SAE1: variants seen among roughly 807,000 people sequenced by gnomAD.
The protein encoded by SAE1 is SUMO1 activating enzyme subunit 1.
Under a neutral mutation model 40.6 loss-of-function variants are expected in SAE1, and 11 were observed. That is an observed-to-expected ratio of 0.27 (90% CI 0.17 to 0.45). SAE1 has a LOEUF of 0.45. Among genes scored for constraint, SAE1 ranks in the 20% least tolerant of loss-of-function variants. The pLI, the probability that SAE1 is intolerant of heterozygous loss-of-function variation, is 1.00. For missense variants in SAE1, 373 were observed against 427.3 expected (o/e 0.87, Z 1.12); for synonymous variants, 155 against 154.3 (o/e 1.00, Z -0.03).
At chr19:47,161,321 T>A (rs2058358834) in intron 5 of SAE1, among the ~76,000 whole-genome samples, 1 of 152,152 alleles carries the variant, frequency 6.6e-6, no homozygotes, top group Admixed American at 6.6e-5. Context: ...TATATTTTTT[T>A]TATTGTGACA....
chr19:47,181,016 G>C (rs1234517979), intron 6 of SAE1, among the ~76,000 whole-genome samples: 1 of 151,982 alleles, frequency 6.6e-6, no homozygotes, highest in Non-Finnish European at 1.5e-5. Context: ...GATGTTAGTG[G>C]AACAATTGGT....
At chr19:47,199,600 C>G (rs1408580976) in intron 7 of SAE1, among the ~76,000 whole-genome samples, 1 of 152,084 alleles carries the variant, frequency 6.6e-6, no homozygotes. Context: ...CAGAGCCAGA[C>G]CGTTCATCAC....
At chr19:47,169,980 A>G (rs2058420821) in intron 6 of SAE1, 57 bp downstream of exon 6, 1 of 1,297,546 alleles carries the variant, frequency 7.7e-7, no homozygotes, top group South Asian at 1.2e-5. Flanking sequence ...ATTTCTGCAA[A>G]TGTGGTTGCA....
At chr19:47,196,332 G>GGTTTTT (rs1568608690) in intron 6 of SAE1, among the ~76,000 whole-genome samples, 2 of 76,328 alleles carry the variant, frequency 2.6e-5, no homozygotes, top group Non-Finnish European at 4.6e-5. Flanking sequence ...ACCGCGCCTG[G>GGTTTTT]CTTTTTTTTT....
chr19:47,134,410 G>C (rs2058166155), intron 1 of SAE1, among the ~76,000 whole-genome samples: 1 of 151,874 alleles, frequency 6.6e-6, no homozygotes. Context: ...TGATGGGGTG[G>C]GGGGATGTCA....
chr19:47,187,943 G>T (rs560808424), intron 6 of SAE1, among the ~76,000 whole-genome samples: 1 of 152,292 alleles, frequency 6.6e-6, no homozygotes, highest in Admixed American at 6.5e-5. Flanking sequence ...CAAGCCCTGT[G>T]CCAGGTGTTC....
intron 5 of SAE1, among the ~76,000 whole-genome samples, chr19:47,160,214 ATTTTTTTTTTTT>A (rs748289334): frequency 8.0e-5 from 6 of 74,590 alleles, no homozygotes; most frequent in South Asian, 5.3e-4. Context: ...AAAATCCTGC[ATTTTTTTTTTTT>A]TTTTTTTTTT....
chr19:47,181,670 G>T (rs2058507172), intron 6 of SAE1, among the ~76,000 whole-genome samples: 2 of 150,924 alleles, frequency 1.3e-5, no homozygotes, highest in Admixed American at 1.3e-4. Flanking sequence ...GTAGAGATGG[G>T]GTTTCGCCAT....
At chr19:47,156,177 G>A (rs2058323459) in intron 5 of SAE1, among the ~76,000 whole-genome samples, 1 of 151,810 alleles carries the variant, frequency 6.6e-6, no homozygotes, top group African/African-American at 2.4e-5. Context: ...AGGCTGAGCT[G>A]GGAGGATTGT....
chr19:47,169,488 C>T (rs1294293043), intron 5 of SAE1, among the ~76,000 whole-genome samples: 5 of 152,078 alleles, frequency 3.3e-5, no homozygotes, highest in African/African-American at 4.8e-5. Flanking sequence ...TCATGTGATC[C>T]GCCTGCCTCG....
Position 47,201,360 on chromosome 19 carries a change from C to CTTTTTTTTTTTTT in SAE1, c.879-2294_879-2282dup, listed in dbSNP as rs57568797. On this transcript the variant is annotated intron_variant, in intron 7 of 8. Coordinates refer to ENST00000270225, the MANE Select transcript of SAE1 (RefSeq NM_005500.3). Reference sequence around the variant, plus strand: ...CTGCACCTGGCCTGTTATCTGGTTCCTTTTTTTTTTTTTTTTTTTTTTTTT... The same window carrying CTTTTTTTTTTTTT: ...CTGCACCTGGCCTGTTATCTGGTTCCTTTTTTTTTTTTTTTTTTTTTTTTTTTTTTTTTTTTTT... Among the ~76,000 whole-genome samples, 78 of 66,226 alleles carry CTTTTTTTTTTTTT rather than the reference C, an allele frequency of 1.2e-3. 11 individuals carry two copies. Among genetic ancestry groups the CTTTTTTTTTTTTT allele is most frequent in the African/African-American group, 3.3e-3 (50 of 15,058 alleles). 43.4% of individuals were successfully genotyped at this position (66,226 alleles called of 152,430 possible).
At chr19:47,179,375 C>G (rs945928476) in intron 6 of SAE1, among the ~76,000 whole-genome samples, 2 of 151,210 alleles carry the variant, frequency 1.3e-5, no homozygotes. Context: ...GACATGGTGG[C>G]ACACTCCTAT....
In SAE1 at chr19:47,152,877, C is replaced by T. The variant is rs199991657; in HGVS notation, c.385-21C>T. The T allele has an allele frequency of 9.5e-4, 1,524 of 1,609,150 alleles. 3 individuals carry two copies. The highest frequency in any genetic ancestry group is 1.1e-3 in the Non-Finnish European group (1,323 of 1,178,476). ...CACAGTTTGCAAAACTCAAACCCAG[C>T]CAATTTCTTTCTTTCTGCAGGTGTG... On this transcript the variant is annotated intron_variant, in intron 3 of 8. Coordinates refer to ENST00000270225, the MANE Select transcript of SAE1 (RefSeq NM_005500.3).
intron 8 of SAE1, among the ~76,000 whole-genome samples, chr19:47,205,635 G>A (rs570055115): frequency 1.3e-5 from 2 of 152,216 alleles, no homozygotes; most frequent in Admixed American, 6.5e-5. Flanking sequence ...TCTAAGTGGG[G>A]AATGGGAATG....
At chr19:47,169,438 G>T (rs926229921) in intron 5 of SAE1, among the ~76,000 whole-genome samples, 4 of 152,118 alleles carry the variant, frequency 2.6e-5, no homozygotes, top group Non-Finnish European at 4.4e-5. Flanking sequence ...AGAGACGGGG[G>T]TTTCACCATG....
At chr19:47,166,840 T>C (rs2058396096) in intron 5 of SAE1, among the ~76,000 whole-genome samples, 1 of 152,190 alleles carries the variant, frequency 6.6e-6, no homozygotes, top group African/African-American at 2.4e-5. Flanking sequence ...AACAGACCCA[T>C]TGACCAAAAG....
chr19:47,186,973 TG>T lies in SAE1; in HGVS notation c.734-10257del, dbSNP rs1297099116. On this transcript the variant is annotated intron_variant, in intron 6 of 8. Coordinates refer to ENST00000270225, the MANE Select transcript of SAE1 (RefSeq NM_005500.3). ...TGTGAGGGCAAGGCCTGGGGCTGTC[TG>T]GGTCGCTTCTGGGTCCCCACCACAG... Among the ~76,000 whole-genome samples the T allele has an allele frequency of 2.0e-5, 3 of 152,136 alleles. No individual in the cohort carries two copies. The East Asian group carries it at 5.8e-4, about 29-fold the overall frequency.
chr19:47,136,300 G>A (rs1413332121), intron 1 of SAE1, among the ~76,000 whole-genome samples: 1 of 151,682 alleles, frequency 6.6e-6, no homozygotes, highest in Admixed American at 6.6e-5. Flanking sequence ...CACCACGCCC[G>A]GCTAATCTTT....
At chr19:47,203,508 T>C (rs2058667037) in intron 7 of SAE1, among the ~76,000 whole-genome samples, 163 bp from the exon 8 acceptor site, 1 of 152,162 alleles carries the variant, frequency 6.6e-6, no homozygotes, top group African/African-American at 2.4e-5. Flanking sequence ...TTGCTCAGAT[T>C]TCATTTTCAC....
Sources: allele counts gnomAD v4.1 joint callset (sites outside exome capture counted in the v4.1 genomes callset), GRCh38; gene constraint gnomAD v4.1.1; transcripts MANE v1.5; gene names NCBI Gene and HGNC (gene_info 2026-07-23, HGNC 2026-07-21).